CD8A: variants seen among roughly 807,000 people sequenced by gnomAD.
CD8A encodes the protein T-cell surface glycoprotein CD8 alpha chain.
Under a neutral mutation model 24.2 loss-of-function variants are expected in CD8A, and 25 were observed. That is an observed-to-expected ratio of 1.03 (90% CI 0.75 to 1.44). CD8A has a LOEUF of 1.44. CD8A is among the 40% of genes most tolerant of loss of function. The probability of loss-of-function intolerance (pLI) is 0.00; values close to 1 mark genes in which losing one functional copy is unlikely to be tolerated. For synonymous variants in CD8A, 165 were observed against 149.9 expected, an observed-to-expected ratio of 1.10 and a Z score of -0.74; for missense variants, 360 against 319.7, an observed-to-expected ratio of 1.13 and a Z score of -0.96.
intron 3 of CD8A, among the ~76,000 whole-genome samples, chr2:86,801,022 A>G (rs960431809): frequency 6.6e-6 from 1 of 152,194 alleles, no homozygotes; most frequent in Non-Finnish European, 1.5e-5. Flanking sequence ...AAGGAATGCC[A>G]AAGATTGCCA....
Position 86,789,669 on chromosome 2 carries a change from T to C in CD8A, c.485A>G (p.Glu162Gly). The C allele has an allele frequency of 6.8e-7, 1 of 1,469,038 alleles. No homozygotes were observed. Among genetic ancestry groups the C allele is most frequent in the South Asian group, 1.3e-5 (1 of 74,168 alleles). 91.0% of individuals were successfully genotyped at this position (1,469,038 alleles called of 1,614,324 possible). ...IASQPLSLRPEACRPAAGGAV... is the reference protein window; with the variant it reads ...IASQPLSLRPGACRPAAGGAV... Reference sequence around the variant, plus strand: ...GCCCCCCGCCGCTGGCCGGCACGCCTCTGGGCGCAGGGACAGGGGCTGCGA... The same window carrying C: ...GCCCCCCGCCGCTGGCCGGCACGCCCCTGGGCGCAGGGACAGGGGCTGCGA... The change falls in exon 3 of 6, where the codon GAG (glutamate) becomes GGG (glycine). Residue 162 changes from glutamate (E) to glycine (G), a missense_variant. Coordinates refer to ENST00000283635, the MANE Select transcript of CD8A (RefSeq NM_001768.7).
intron 5 of CD8A, among the ~76,000 whole-genome samples, chr2:86,786,847 C>T (rs565336144): frequency 2.8e-4 from 43 of 151,446 alleles, no homozygotes; most frequent in South Asian, 8.3e-4. Flanking sequence ...GGTGAAACCC[C>T]GTCTCTACTA....
At chr2:86,788,736 C>T (rs1258988455) in intron 4 of CD8A, among the ~76,000 whole-genome samples, 176 bp from the exon 5 acceptor site, 8 of 152,164 alleles carry the variant, frequency 5.3e-5, no homozygotes, top group Admixed American at 3.9e-4. Context: ...ATTGCCTCTA[C>T]GAATTCTCCT....
upstream of CD8A, among the ~76,000 whole-genome samples, chr2:86,794,557 C>T (rs1299157748): frequency 6.6e-6 from 1 of 152,164 alleles, no homozygotes; most frequent in Non-Finnish European, 1.5e-5. Context: ...TCAATTTGGC[C>T]TCACTTCTGT....
upstream of CD8A, chr2:86,791,147 T>C (rs577230615): frequency 6.6e-6 from 4 of 601,808 alleles, no homozygotes; most frequent in South Asian, 6.7e-5. Context: ...TTGGAAATGG[T>C]TGTCTTGTGA....
chr2:86,788,100 T>C (rs1372847648), intron 5 of CD8A, among the ~76,000 whole-genome samples: 3 of 152,000 alleles, frequency 2.0e-5, no homozygotes, highest in African/African-American at 7.3e-5. Context: ...TGATAAAAGA[T>C]TGGCTCTCCC....
chr2:86,785,137 A>G lies in CD8A; in HGVS notation c.*783T>C, dbSNP rs1433679371. 2.2e-6 allele frequency: 1 copy of G among 453,968 alleles called. No individual in the cohort carries two copies. Among genetic ancestry groups the G allele is most frequent in the Non-Finnish European group, 4.4e-6 (1 of 226,790 alleles). The allele number at this position is 453,968 out of a possible 1,614,324, so 28.1% of individuals were successfully genotyped here. A position where few individuals can be genotyped will look rare whatever the true frequency, so the allele number is the denominator to read the frequency against. The stretch of plus-strand genomic sequence containing the variant: ...GTCCTCTTTCATGGGCCCCTCTGCA[A>G]TGCAAGGGCTGGGAGAGCAATTCCG... On this transcript the variant is annotated 3_prime_UTR_variant, in exon 6 of 6. Coordinates refer to ENST00000283635, the MANE Select transcript of CD8A (RefSeq NM_001768.7).
Position 86,808,118 on chromosome 2 carries a change from C to T in CD8A, c.-754+1G>A, listed in dbSNP as rs1289249991. On this transcript the variant is annotated splice_donor_variant, in intron 1 of 8. Coordinates refer to the CD8A transcript ENST00000409511. LOFTEE classifies it low-confidence loss of function (5UTR_SPLICE). Reference sequence around the variant, plus strand: ...CTCCGCCACCTTTCCCATGAATTCACCTTTCTGTACACAGCAAGCGCCTGA... The same window carrying T: ...CTCCGCCACCTTTCCCATGAATTCATCTTTCTGTACACAGCAAGCGCCTGA... 6.6e-6 allele frequency: 1 copy of T among 152,282 alleles called. No homozygotes were observed. Among genetic ancestry groups the T allele is most frequent in the Non-Finnish European group, 1.5e-5 (1 of 68,158 alleles). 9.4% of individuals were successfully genotyped at this position (152,282 alleles called of 1,614,324 possible).
At chr2:86,806,462 G>A (rs1040767976) in intron 2 of CD8A, among the ~76,000 whole-genome samples, 2 of 152,232 alleles carry the variant, frequency 1.3e-5, no homozygotes, top group African/African-American at 4.8e-5. Context: ...TTGGCCTGCA[G>A]CAACTCCTCT....
At chr2:86,802,645 G>T (rs534996606) in intron 2 of CD8A, among the ~76,000 whole-genome samples, 30 of 152,006 alleles carry the variant, frequency 2.0e-4, no homozygotes, top group Non-Finnish European at 3.5e-4. Flanking sequence ...TCACTCTGCC[G>T]CCCAGGCTGG....
In CD8A at chr2:86,788,571, A is replaced by G; in HGVS notation, c.626-11T>C. 6.2e-7 allele frequency: 1 copy of G among 1,612,190 alleles called. No homozygotes were observed. The highest frequency in any genetic ancestry group is 8.5e-7 in the Non-Finnish European group (1 of 1,178,472). On this transcript the variant is annotated splice_polypyrimidine_tract_variant and intron_variant, in intron 4 of 5. Coordinates refer to ENST00000283635, the MANE Select transcript of CD8A (RefSeq NM_001768.7). ...CACGTCTTCGGTTCCCTGGATAAGG[A>G]AAAAGAAGGGAAAAAGTGAGTGCCC... is the stretch of plus-strand genomic sequence containing the variant.
At chr2:86,787,898 A>AGAGAGAGAGAGTGTGTGT (rs369993109) in intron 5 of CD8A, among the ~76,000 whole-genome samples, 98 of 144,590 alleles carry the variant, frequency 6.8e-4, no homozygotes, top group African/African-American at 2.5e-3. Flanking sequence ...AGAGAGAGAG[A>AGAGAGAGAGAGTGTGTGT]GTGTGTGTGT....
chr2:86,789,584 C>A, intron 3 of CD8A, 56 bp downstream of exon 3: 1 of 1,369,284 alleles, frequency 7.3e-7, no homozygotes, highest in Non-Finnish European at 1.0e-6. Context: ...CTGTCCCTGG[C>A]ATGGGCTCTC....
Position 86,785,125 on chromosome 2 carries a change from G to C in CD8A, c.*795C>G, listed in dbSNP as rs1479999045. 2.2e-6 allele frequency: 1 copy of C among 453,940 alleles called. No individual in the cohort carries two copies. Among genetic ancestry groups the C allele is most frequent in the Non-Finnish European group, 4.4e-6 (1 of 226,762 alleles). 28.1% of individuals were successfully genotyped at this position (453,940 alleles called of 1,614,324 possible). ...AAGGGGTAGCCTGTCCTCTTTCATG[G>C]GCCCCTCTGCAATGCAAGGGCTGGG... On this transcript the variant is annotated 3_prime_UTR_variant, in exon 6 of 6. Coordinates refer to ENST00000283635, the MANE Select transcript of CD8A (RefSeq NM_001768.7).
At position 86,789,426 on chromosome 2, in the gene CD8A, C is replaced by T. The variant is rs200085375; in HGVS notation, c.522G>A (p.Thr174=). The part of the protein sequence containing the change: ...CRPAAGGAVH[T]RGLDFACDIY... Reference sequence around the variant, plus strand: ...TATCACAGGCGAAGTCCAGCCCCCTCGTGTGCACTGACGACACCAAAGACG... The same window carrying T: ...TATCACAGGCGAAGTCCAGCCCCCTTGTGTGCACTGACGACACCAAAGACG... The change falls in exon 4 of 6, where the codon ACG becomes ACA. Residue 174 remains threonine (T), a synonymous_variant. Coordinates refer to ENST00000283635, the MANE Select transcript of CD8A (RefSeq NM_001768.7). 1.2e-6 allele frequency: 2 copies of T among 1,612,824 alleles called. No homozygotes were observed. Among genetic ancestry groups the T allele is most frequent in the East Asian group, 2.2e-5 (1 of 44,860 alleles).
chr2:86,798,813 T>TAATCCCA (rs1673568615), intron 3 of CD8A, among the ~76,000 whole-genome samples: 2 of 152,168 alleles, frequency 1.3e-5, no homozygotes, highest in Admixed American at 6.5e-5. Flanking sequence ...TGAACCACTG[T>TAATCCCA]GCCCAGCCTG....
chr2:86,790,654 A>G lies in CD8A; in HGVS notation c.77T>C (p.Val26Ala). Residue 26 changes from valine (V) to alanine (A), a missense_variant, in exon 2 of 6, where the codon GTG becomes GCG. Coordinates refer to ENST00000283635, the MANE Select transcript of CD8A (RefSeq NM_001768.7). ...LHAARPSQFR[V>A]SPLDRTWNLG... Reference sequence around the variant, plus strand: ...GTTCCAGGTCCGATCCAGCGGCGACACCCGGAACTGGCTCGGCCTGGCGGC... The same window carrying G: ...GTTCCAGGTCCGATCCAGCGGCGACGCCCGGAACTGGCTCGGCCTGGCGGC... 4 of 1,600,818 alleles carry G rather than the reference A, an allele frequency of 2.5e-6. No individual in the cohort carries two copies. The highest frequency in any genetic ancestry group is 3.4e-6 in the Non-Finnish European group (4 of 1,178,884).
At chr2:86,787,019 CAAA>C (rs745778659) in intron 5 of CD8A, among the ~76,000 whole-genome samples, 2 of 36,562 alleles carry the variant, frequency 5.5e-5, no homozygotes, top group Non-Finnish European at 9.2e-5. Flanking sequence ...GACTCCGTCT[CAAA>C]AAAAAAAAAA....
chr2:86,801,651 C>CT (rs1416804421), exon 3 of CD8A: 1 of 151,778 alleles, frequency 6.6e-6, no homozygotes, highest in East Asian at 1.9e-4. Context: ...CTGGTTCATG[C>CT]TTTTGTCTTT....
Sources: gnomAD v4.1 joint callset for allele counts (sites outside exome capture counted in the v4.1 genomes callset) on GRCh38, gnomAD v4.1.1 for gene constraint, MANE v1.5 for transcripts, NCBI Gene and HGNC (gene_info 2026-07-23, HGNC 2026-07-21) for gene names.